Variants in LGR5 observed in about 807,000 individuals in gnomAD.
LGR5 encodes the protein leucine rich repeat containing G protein-coupled receptor 5.
A neutral mutation model predicts 76.7 loss-of-function variants in LGR5; 54 were observed. That is an observed-to-expected ratio of 0.70 (90% CI 0.57 to 0.88). The LOEUF (loss-of-function observed/expected upper bound fraction) is 0.88, where lower values mean the gene tolerates loss of function less well. Among genes scored for constraint, LGR5 ranks in the 40% least tolerant of loss-of-function variants. LGR5 has a pLI of 0.00. For synonymous variants in LGR5, 406 were observed against 421.9 expected (o/e 0.96, Z 0.46); for missense variants, 1,078 against 1,073.3 (o/e 1.00, Z -0.06).
chr12:71,538,822 C>T (rs986740282), intron 4 of LGR5, among the ~76,000 whole-genome samples: 2 of 152,070 alleles, frequency 1.3e-5, no homozygotes, highest in Non-Finnish European at 2.9e-5. Context: ...CCTGCCACTG[C>T]ACTCCAGCCC....
Position 71,561,814 on chromosome 12 carries a change from T to A in LGR5, c.819T>A (p.Pro273=). ...GFHSNNIRSI[P]EKAFVGNPSL... ...ATAGCAACAATATCAGGTCGATACC[T>A]GAGAAAGCATTTGTAGGCAACCCTT... The change falls in exon 8 of 18, where the codon CCT becomes CCA. Residue 273 remains proline (P), a synonymous_variant. Transcript: ENST00000266674. The A allele has an allele frequency of 6.2e-7, 1 of 1,606,758 alleles. No individual in the cohort carries two copies. Among genetic ancestry groups the A allele is most frequent in the Non-Finnish European group, 8.5e-7 (1 of 1,175,156 alleles).
At chr12:71,527,443 A>T (rs1876072283) in intron 3 of LGR5, among the ~76,000 whole-genome samples, 1 of 152,172 alleles carries the variant, frequency 6.6e-6, no homozygotes, top group Non-Finnish European at 1.5e-5. Context: ...CTTGAGAGCC[A>T]AATCCTCTGG....
At chr12:71,511,753 T>A (rs1470943389) in intron 2 of LGR5, among the ~76,000 whole-genome samples, 1 of 152,160 alleles carries the variant, frequency 6.6e-6, no homozygotes, top group Non-Finnish European at 1.5e-5. Flanking sequence ...ATGTGTCACC[T>A]GCCCAGCCGC....
chr12:71,574,492 C>T (rs959846677), intron 13 of LGR5, among the ~76,000 whole-genome samples: 28 of 152,062 alleles, frequency 1.8e-4, no homozygotes, highest in African/African-American at 6.5e-4. Flanking sequence ...ATTAATGATT[C>T]GTTTGGATCA....
chr12:71,540,627 A>C (rs1876829091), intron 4 of LGR5, among the ~76,000 whole-genome samples: 1 of 152,132 alleles, frequency 6.6e-6, no homozygotes, highest in African/African-American at 2.4e-5. Context: ...CAAAAAAGAG[A>C]GAGAAAATAA....
intron 1 of LGR5, among the ~76,000 whole-genome samples, chr12:71,504,147 G>T (rs4760939): frequency 0.82 from 124,232 of 151,546 alleles, 51,384 homozygotes; most frequent in African/African-American, 0.93. Flanking sequence ...TGTTGTTGTT[G>T]TTTTAAATTT....
chr12:71,583,475 T>C (rs776472930), intron 17 of LGR5, 172 bp from the exon 18 acceptor site: 5 of 707,674 alleles, frequency 7.1e-6, no homozygotes, highest in Non-Finnish European at 1.2e-5. Context: ...CTGCAGAAGA[T>C]CCAGGGTGAC....
upstream of LGR5, chr12:71,439,638 G>A: frequency 5.6e-6 from 1 of 180,160 alleles, no homozygotes; most frequent in Non-Finnish European, 1.2e-5. Context: ...CCTGCTGCCT[G>A]CTGCCTCCCA....
chr12:71,487,443 C>T (rs1422752596), intron 1 of LGR5, among the ~76,000 whole-genome samples: 2 of 152,150 alleles, frequency 1.3e-5, no homozygotes, highest in Non-Finnish European at 2.9e-5. Context: ...GAGACAGGGT[C>T]TCACTCTGTC....
rs754542647 is a variant in LGR5, at chr12:71,572,941, G to A, written c.1208+20G>A. On this transcript the variant is annotated intron_variant, in intron 13 of 17. Transcript: ENST00000266674. ...ATCGCTGTGAGTATCACCTCCCAGT[G>A]CGTTCCCCAGCACAGAGCATTTTCT... 1 of 1,581,170 alleles carries A rather than the reference G, an allele frequency of 6.3e-7. No homozygotes were observed. The highest frequency in any genetic ancestry group is 1.7e-5 in the Admixed American group (1 of 59,962).
At chr12:71,503,335 T>C (rs1302293941) in intron 1 of LGR5, among the ~76,000 whole-genome samples, 1 of 152,238 alleles carries the variant, frequency 6.6e-6, no homozygotes, top group African/African-American at 2.4e-5. Flanking sequence ...TTTATGGCAT[T>C]GTCTAGTCTT....
intron 1 of LGR5, among the ~76,000 whole-genome samples, chr12:71,472,876 C>T (rs1288955428): frequency 2.0e-5 from 3 of 152,108 alleles, no homozygotes; most frequent in Non-Finnish European, 2.9e-5. Flanking sequence ...CCACAGCACA[C>T]GTTGATTGTA....
rs749460893 is a variant in LGR5, at chr12:71,583,747, T to G, written c.1737T>G (p.Thr579=). 10 of 1,614,138 alleles carry G rather than the reference T, an allele frequency of 6.2e-6. No individual in the cohort carries two copies. In the East Asian group the frequency reaches 2.2e-4, roughly 36 times the overall value. ...CACTTACTTGTAATGCTTTGGTGAC[T>G]TCAACAGTTTTCAGATCCCCTCTGT... ...VLALTCNALV[T]STVFRSPLYI... Residue 579 remains threonine, a synonymous_variant, in exon 18 of 18, where the codon ACT becomes ACG. Transcript: ENST00000266674.
intron 4 of LGR5, among the ~76,000 whole-genome samples, chr12:71,547,233 T>C (rs932966533): frequency 1.9e-4 from 29 of 151,912 alleles, no homozygotes; most frequent in African/African-American, 6.8e-4. Context: ...CCAACTATTC[T>C]ATTGCTGGCC....
chr12:71,569,855 C>A (rs2701084), intron 11 of LGR5, among the ~76,000 whole-genome samples: 46,257 of 152,020 alleles, frequency 0.3, 9,770 homozygotes, highest in African/African-American at 0.59. Flanking sequence ...AGATATATGC[C>A]CATGTATGTT....
chr12:71,496,010 G>A (rs1032626766), intron 1 of LGR5, among the ~76,000 whole-genome samples: 8 of 152,260 alleles, frequency 5.3e-5, no homozygotes, highest in Admixed American at 1.3e-4. Context: ...AGCTCTATGA[G>A]ACATGAGGAA....
At position 71,542,002 on chromosome 12, in the gene LGR5, A is replaced by C. The variant is rs541026815; in HGVS notation, c.428+6816A>C. On this transcript the variant is annotated intron_variant, in intron 4 of 17. Transcript: ENST00000266674. ...CATATAATTGTGAATGTTTATAAAAAGAAAGGGAAGTTGGAATGCTGGAAA... is the reference window on the plus strand; with the variant it reads ...CATATAATTGTGAATGTTTATAAAACGAAAGGGAAGTTGGAATGCTGGAAA... 3.9e-5 allele frequency among the ~76,000 whole-genome samples: 6 copies of C among 152,346 alleles called. No individual in the cohort carries two copies. The South Asian group carries it at 1.2e-3, about 32-fold the overall frequency.
At chr12:71,530,677 T>C (rs1876259803) in intron 3 of LGR5, among the ~76,000 whole-genome samples, 1 of 152,212 alleles carries the variant, frequency 6.6e-6, no homozygotes, top group Non-Finnish European at 1.5e-5. Flanking sequence ...AACCAGGCTG[T>C]CCTCAACAAA....
intron 1 of LGR5, among the ~76,000 whole-genome samples, chr12:71,462,648 A>C (rs1204677053): frequency 5.3e-5 from 8 of 151,962 alleles, no homozygotes; most frequent in Admixed American, 3.3e-4. Context: ...TGGTGCATTC[A>C]TGCCAGGCAA....
Sources: gnomAD v4.1 joint callset for allele counts (sites outside exome capture counted in the v4.1 genomes callset) on GRCh38, gnomAD v4.1.1 for gene constraint, MANE v1.5 for transcripts, NCBI Gene and HGNC (gene_info 2026-07-23, HGNC 2026-07-21) for gene names.